Variants in GINS2 observed in about 807,000 individuals in gnomAD.
GINS2 encodes GINS complex subunit 2.
In GINS2, 23 loss-of-function variants were observed where a neutral mutation model predicts 21.2. The ratio of observed to expected loss-of-function variants is 1.08; its 90% CI spans 0.78 to 1.53. The LOEUF (loss-of-function observed/expected upper bound fraction) is 1.53. Ranked by LOEUF, GINS2 falls within the 40% of genes most tolerant of loss-of-function variation. The pLI is 0.00. For synonymous variants in GINS2, 118 were observed against 85.6 expected (o/e 1.38, Z -2.09); for missense variants, 323 against 233.9 (o/e 1.38, Z -2.49).
At chr16:85,681,517 G>T in intron 3 of GINS2, 65 bp downstream of exon 3, 1 of 938,430 alleles carries the variant, frequency 1.1e-6, no homozygotes, top group Middle Eastern at 2.2e-4. Flanking sequence ...GAAGGACGAG[G>T]GTTAGGGGAA....
At chr16:85,678,754 C>T (rs1301781600) in intron 3 of GINS2, 88 bp from the exon 4 acceptor site, 16 of 1,275,820 alleles carry the variant, frequency 1.3e-5, no homozygotes, top group South Asian at 8.2e-5. Flanking sequence ...GGCAAAATAC[C>T]GTGGCTATTC....
intron 2 of GINS2, among the ~76,000 whole-genome samples, chr16:85,682,774 C>A (rs1471257120): frequency 6.6e-6 from 1 of 152,180 alleles, no homozygotes; most frequent in Non-Finnish European, 1.5e-5. Context: ...AGAAACCTGT[C>A]CTGGGAGCAG....
intron 4 of GINS2, 21 bp downstream of exon 4, chr16:85,678,519 C>G (rs1439864546): frequency 6.2e-7 from 1 of 1,609,924 alleles, no homozygotes. Flanking sequence ...GCCACCAGCA[C>G]CCAGGCAAGG....
At chr16:85,687,156 G>C (rs1003961274) in intron 2 of GINS2, among the ~76,000 whole-genome samples, 3 of 152,252 alleles carry the variant, frequency 2.0e-5, no homozygotes, top group African/African-American at 7.2e-5. Context: ...AGGAGGTGAA[G>C]GCTGCATTGA....
chr16:85,687,331 G>A (rs1598763760), intron 2 of GINS2, 129 bp downstream of exon 2: 1 of 558,444 alleles, frequency 1.8e-6, no homozygotes, highest in East Asian at 3.0e-5. Context: ...CAGCTGATCA[G>A]TAGATAACGG....
Position 85,681,667 on chromosome 16 carries a change from T to A in GINS2, c.220A>T (p.Met74Leu), listed in dbSNP as rs774919377. 44 of 1,604,906 alleles carry A rather than the reference T, an allele frequency of 2.7e-5. No individual in the cohort carries two copies. The highest frequency in any genetic ancestry group is 3.5e-5 in the Non-Finnish European group (41 of 1,171,984). The change falls in exon 3 of 5, where the codon ATG (methionine) becomes TTG (leucine). Residue 74 changes from methionine (M) to leucine (L), a missense_variant. By Grantham distance (15) the Met-to-Leu change is conservative. Transcript: ENST00000253462. ...TCTTCCTTTCGTTCATGATCCCTCA[T>A]CTTCTCCAACTTTTCTGAAATTTAG... ...EWMDVEKLEKMRDHERKEETF... is the reference protein window; with the variant it reads ...EWMDVEKLEKLRDHERKEETF...
chr16:85,684,359 T>A (rs778077815), intron 2 of GINS2, among the ~76,000 whole-genome samples: 1 of 151,818 alleles, frequency 6.6e-6, no homozygotes, highest in Non-Finnish European at 1.5e-5. Flanking sequence ...GCTGGGCACA[T>A]TGATGCACAC....
chr16:85,680,793 T>C (rs1467458775), intron 3 of GINS2, among the ~76,000 whole-genome samples: 1 of 152,158 alleles, frequency 6.6e-6, no homozygotes, highest in African/African-American at 2.4e-5. Flanking sequence ...GTCAGAATGC[T>C]TGAAGAAGTG....
chr16:85,684,047 G>C (rs1364242689), intron 2 of GINS2, among the ~76,000 whole-genome samples: 2 of 152,170 alleles, frequency 1.3e-5, no homozygotes, highest in African/African-American at 4.8e-5. Context: ...ATTCACAAAA[G>C]CCTTATTAAG....
chr16:85,688,828 T>A lies in GINS2; in HGVS notation c.71A>T (p.Asp24Val). The change falls in exon 1 of 5, where the codon GAC (aspartate) becomes GTC (valine). Residue 24 changes from aspartate to valine, a missense_variant. Transcript: ENST00000253462. The stretch of plus-strand genomic sequence containing the variant: ...CCTCACCCCGATGAGGTAGATCTTG[T>A]CCAGACTGAAGTTGGGGATAATGGT... ...LVTIIPNFSLDKIYLIGGDLG... is the reference protein window; with the variant it reads ...LVTIIPNFSLVKIYLIGGDLG... 1.9e-6 allele frequency: 3 copies of A among 1,543,338 alleles called. No homozygotes were observed. Among genetic ancestry groups the A allele is most frequent in the Non-Finnish European group, 2.6e-6 (3 of 1,142,740 alleles).
At chr16:85,688,136 A>T (rs1237889446) in intron 1 of GINS2, 1 of 152,306 alleles carries the variant, frequency 6.6e-6, no homozygotes, top group African/African-American at 2.4e-5. Context: ...CATCTCAAAG[A>T]TAAAGACAAA....
At chr16:85,685,607 G>C (rs1051767114) in intron 2 of GINS2, among the ~76,000 whole-genome samples, 1 of 144,922 alleles carries the variant, frequency 6.9e-6, no homozygotes, top group African/African-American at 2.5e-5. Flanking sequence ...GGAAGTCAAG[G>C]CTGCAGTGAG....
intron 1 of GINS2, 39 bp from the exon 2 acceptor site, chr16:85,687,613 G>C: frequency 2.4e-6 from 3 of 1,270,208 alleles, no homozygotes; most frequent in South Asian, 2.9e-5. Flanking sequence ...GATTGAAAAA[G>C]AACAAAAAAA....
intron 1 of GINS2, 152 bp from the exon 2 acceptor site, chr16:85,687,726 AAGCGCCTCCTG>A (rs77861532): frequency 0.084 from 43,658 of 518,912 alleles, 2,303 homozygotes; most frequent in Non-Finnish European, 0.11. Flanking sequence ...ACTCAGAACA[AAGCGCCTCCTG>A]AGCGGCTCCG....
At position 85,688,941 on chromosome 16, in the gene GINS2, C is replaced by G; in HGVS notation, c.-43G>C. ...GCCAGAGCCTCACGGTCTCCTCGGG[C>G]CCCTCAGCGTCCCGGAGGAGACGCC... On this transcript the variant is annotated 5_prime_UTR_variant, in exon 1 of 5. Transcript: ENST00000253462. The G allele has an allele frequency of 5.0e-6, 7 of 1,397,516 alleles. No individual in the cohort carries two copies. Among genetic ancestry groups the G allele is most frequent in the Non-Finnish European group, 6.8e-6 (7 of 1,026,742 alleles). The allele number at this position is 1,397,516 out of a possible 1,614,324, so 86.6% of individuals were successfully genotyped here.
At chr16:85,685,678 A>AAAAAAAAAAAAAAAACAAAAAC (rs1567792794) in intron 2 of GINS2, among the ~76,000 whole-genome samples, 1 of 143,896 alleles carries the variant, frequency 6.9e-6, no homozygotes, top group African/African-American at 2.8e-5. Flanking sequence ...CTCAAAAAAA[A>AAAAAAAAAAAAAAAACAAAAAC]AAAAAAAAAA....
intron 3 of GINS2, 28 bp from the exon 4 acceptor site, chr16:85,678,694 G>C (rs202160027): frequency 6.2e-7 from 1 of 1,606,458 alleles, no homozygotes; most frequent in Admixed American, 1.7e-5. Context: ...AAAGTCAGTC[G>C]GGGAACACTT....
chr16:85,684,459 A>G (rs1305847516), intron 2 of GINS2, among the ~76,000 whole-genome samples: 1 of 152,146 alleles, frequency 6.6e-6, no homozygotes, highest in Non-Finnish European at 1.5e-5. Flanking sequence ...CACACCTTTG[A>G]ATAACCACTG....
At chr16:85,683,267 C>G (rs977996108) in intron 2 of GINS2, among the ~76,000 whole-genome samples, 6 of 152,070 alleles carry the variant, frequency 3.9e-5, no homozygotes, top group African/African-American at 1.4e-4. Context: ...CCTGACCTCT[C>G]GACACTGGGA....
Sources: gnomAD v4.1 joint callset for allele counts (sites outside exome capture counted in the v4.1 genomes callset) on GRCh38, gnomAD v4.1.1 for gene constraint, MANE v1.5 for transcripts, NCBI Gene and HGNC (gene_info 2026-07-23, HGNC 2026-07-21) for gene names.